Variants in TM2D1 observed in about 807,000 individuals in gnomAD.
TM2D1 encodes TM2 domain-containing protein 1.
A neutral mutation model predicts 28.4 loss-of-function variants in TM2D1; 15 were observed. That is an observed-to-expected ratio of 0.53 (90% CI 0.35 to 0.81). The LOEUF is 0.81. TM2D1 is among the 40% of genes least tolerant of loss of function. The pLI, the probability that TM2D1 is intolerant of heterozygous loss-of-function variation, is 0.01. For synonymous variants in TM2D1, 93 were observed against 96.2 expected, an observed-to-expected ratio of 0.97 and a Z score of 0.20; for missense variants, 236 against 254.9, an observed-to-expected ratio of 0.93 and a Z score of 0.50.
chr1:61,684,177 A>T (rs528607949), intron 5 of TM2D1, among the ~76,000 whole-genome samples: 4 of 152,354 alleles, frequency 2.6e-5, no homozygotes, highest in African/African-American at 9.6e-5. Flanking sequence ...CACATATGTG[A>T]CAATCTAGTT....
At chr1:61,710,016 C>T (rs1371861011) in intron 2 of TM2D1, among the ~76,000 whole-genome samples, 1 of 152,122 alleles carries the variant, frequency 6.6e-6, no homozygotes, top group South Asian at 2.1e-4. Context: ...GAAGAAGTAA[C>T]ACTTACAGAC....
chr1:61,709,336 G>C lies in TM2D1; in HGVS notation c.340C>G (p.Arg114Gly). ...EVGFFKPISC[R>G]NVNGYSYKVA... is the part of the protein sequence containing the mutation. Reference sequence around the variant, plus strand: ...TTTCAGTAATGTACTTACACATTTCGGCAAGATATGGGCTTGAAAAAACCA... The same window carrying C: ...TTTCAGTAATGTACTTACACATTTCCGCAAGATATGGGCTTGAAAAAACCA... Residue 114 changes from arginine to glycine, a missense_variant, in exon 3 of 7, where the codon CGA (arginine) becomes GGA (glycine). Physicochemically the swap from Arg to Gly is moderately radical, Grantham distance 125. Coordinates refer to ENST00000606498, the MANE Select transcript of TM2D1 (RefSeq NM_032027.3). 1 of 1,592,614 alleles carries C rather than the reference G, an allele frequency of 6.3e-7. No homozygotes were observed. Among genetic ancestry groups the C allele is most frequent in the Non-Finnish European group, 8.6e-7 (1 of 1,164,538 alleles).
chr1:61,710,777 T>C (rs560966291), intron 2 of TM2D1, among the ~76,000 whole-genome samples: 7 of 152,208 alleles, frequency 4.6e-5, no homozygotes, highest in African/African-American at 1.7e-4. Flanking sequence ...AGAAAGATAG[T>C]ATTTTCTATC....
chr1:61,696,001 G>C (rs766355724), intron 4 of TM2D1: 9 of 152,038 alleles, frequency 5.9e-5, no homozygotes, highest in Non-Finnish European at 1.2e-4. Context: ...AATATTTGTT[G>C]CATAAATTGA....
At chr1:61,694,633 C>A (rs751673250) in intron 5 of TM2D1, 64 bp downstream of exon 5, 16 of 1,088,252 alleles carry the variant, frequency 1.5e-5, no homozygotes, top group Non-Finnish European at 2.0e-5. Flanking sequence ...TTAAATAGAA[C>A]AGGAGATCAC....
At chr1:61,698,901 A>G (rs1283019133) in intron 4 of TM2D1, 2 of 152,102 alleles carry the variant, frequency 1.3e-5, no homozygotes, top group Non-Finnish European at 1.5e-5. Context: ...TGAATTTTAG[A>G]TTTTGTCTAT....
chr1:61,713,426 C>T lies in TM2D1; in HGVS notation c.239-3989G>A, dbSNP rs145373062. Among the ~76,000 whole-genome samples, 578 of 145,696 alleles carry T rather than the reference C, an allele frequency of 4.0e-3. 5 individuals carry two copies. Among genetic ancestry groups the T allele is most frequent in the African/African-American group, 0.014 (558 of 39,052 alleles). ...CTGGGAGACATAGGTTGCAGTAAGC[C>T]ACAATCATGCCACTTACACTCCAGC... On this transcript the variant is annotated intron_variant, in intron 2 of 6. Coordinates refer to ENST00000606498, the MANE Select transcript of TM2D1 (RefSeq NM_032027.3).
intron 5 of TM2D1, among the ~76,000 whole-genome samples, chr1:61,688,141 A>T (rs990085381): frequency 3.3e-5 from 5 of 152,250 alleles, no homozygotes; most frequent in African/African-American, 1.2e-4. Context: ...CTATTCTTTA[A>T]GGAATGAATA....
chr1:61,725,071 G>C lies in TM2D1; in HGVS notation c.50C>G (p.Ala17Gly), dbSNP rs532602007. ...GAACCACAGGACACCAACGAGTCTGGCCGTCACGGCCTCCGGAGCAGACGG... is the reference window on the plus strand; with the variant it reads ...GAACCACAGGACACCAACGAGTCTGCCCGTCACGGCCTCCGGAGCAGACGG... ...SGPSAPEAVTARLVGVLWFVS... is the reference protein window; with the variant it reads ...SGPSAPEAVTGRLVGVLWFVS... Residue 17 changes from alanine (A) to glycine (G), a missense_variant, in exon 1 of 7, where the codon GCC becomes GGC. Physicochemically the swap from Ala to Gly is moderately conservative, Grantham distance 60. Coordinates refer to ENST00000606498, the MANE Select transcript of TM2D1 (RefSeq NM_032027.3). 1.2e-6 allele frequency: 2 copies of C among 1,613,904 alleles called. No homozygotes were observed. Among genetic ancestry groups the C allele is most frequent in the Middle Eastern group, 1.6e-4 (1 of 6,062 alleles).
chr1:61,715,669 A>C (rs1330496534), intron 2 of TM2D1, among the ~76,000 whole-genome samples: 4 of 150,022 alleles, frequency 2.7e-5, no homozygotes, highest in South Asian at 2.1e-4. Flanking sequence ...AAAAAAAAAA[A>C]AAAAAACAAG....
chr1:61,700,132 G>A (rs761946772), intron 4 of TM2D1: 20 of 1,485,906 alleles, frequency 1.3e-5, no homozygotes, highest in Non-Finnish European at 1.8e-5. Context: ...GTCACTAGCT[G>A]AGTGTCCTTG....
At chr1:61,692,579 G>A (rs978119102) in intron 5 of TM2D1, among the ~76,000 whole-genome samples, 2 of 151,910 alleles carry the variant, frequency 1.3e-5, no homozygotes, top group African/African-American at 4.8e-5. Context: ...GCAAGAATGG[G>A]GAAGGAAAGA....
At chr1:61,710,442 AAAAAT>A (rs1382509933) in intron 2 of TM2D1, among the ~76,000 whole-genome samples, 1 of 129,640 alleles carries the variant, frequency 7.7e-6, no homozygotes, top group Non-Finnish European at 1.6e-5. Flanking sequence ...AAAAAAAAAA[AAAAAT>A]GTATATATAT....
intron 2 of TM2D1, among the ~76,000 whole-genome samples, chr1:61,719,221 C>A (rs2148068305): frequency 6.6e-6 from 1 of 152,112 alleles, no homozygotes; most frequent in Admixed American, 6.6e-5. Context: ...CCATGCCTGG[C>A]TAGTTTTTTG....
chr1:61,695,537 A>T (rs953591530), intron 4 of TM2D1, among the ~76,000 whole-genome samples: 2 of 152,218 alleles, frequency 1.3e-5, no homozygotes, highest in African/African-American at 2.4e-5. Context: ...CTTACAAGAC[A>T]TCTCATATGA....
intron 5 of TM2D1, among the ~76,000 whole-genome samples, chr1:61,688,530 C>T (rs571836522): frequency 6.6e-6 from 1 of 152,296 alleles, no homozygotes; most frequent in South Asian, 2.1e-4. Flanking sequence ...CGAGACCATC[C>T]TGGCCAACAT....
intron 4 of TM2D1, chr1:61,699,127 G>A (rs1335791302): frequency 6.6e-6 from 1 of 152,140 alleles, no homozygotes; most frequent in African/African-American, 2.4e-5. Flanking sequence ...AGGACAGCTT[G>A]AGCCCAGGAG....
At chr1:61,694,862 T>C in intron 4 of TM2D1, 92 bp from the exon 5 acceptor site, 1 of 602,512 alleles carries the variant, frequency 1.7e-6, no homozygotes, top group Non-Finnish European at 2.8e-6. Flanking sequence ...ATTATATATA[T>C]ATATCACACT....
At chr1:61,690,554 C>G (rs1236012749) in intron 5 of TM2D1, among the ~76,000 whole-genome samples, 1 of 151,238 alleles carries the variant, frequency 6.6e-6, no homozygotes, top group Non-Finnish European at 1.5e-5. Context: ...TAAAACAGGT[C>G]CTACATAAAA....
Sources: gnomAD v4.1 joint callset for allele counts (sites outside exome capture counted in the v4.1 genomes callset) on GRCh38, gnomAD v4.1.1 for gene constraint, MANE v1.5 for transcripts, NCBI Gene and HGNC (gene_info 2026-07-23, HGNC 2026-07-21) for gene names.